Variants in CAMSAP3 observed in about 807,000 individuals in gnomAD.
The protein encoded by CAMSAP3 is calmodulin-regulated spectrin-associated protein 3.
In CAMSAP3, 34 loss-of-function variants were observed where a neutral mutation model predicts 112.5. The observed-to-expected ratio is 0.30, with a 90% CI of 0.23 to 0.40. CAMSAP3 has a LOEUF of 0.40. CAMSAP3 is among the 10% of genes least tolerant of loss of function. The probability of loss-of-function intolerance (pLI) is 1.00; values close to 1 mark genes in which losing one functional copy is unlikely to be tolerated. For synonymous variants in CAMSAP3, 868 were observed against 799.8 expected, an observed-to-expected ratio of 1.09 and a Z score of -1.44; for missense variants, 1,602 against 1,770.3, an observed-to-expected ratio of 0.90 and a Z score of 1.71.
At chr19:7,616,683 T>C (rs902570894) in intron 14 of CAMSAP3, 61 bp downstream of exon 14, 2 of 1,223,988 alleles carry the variant, frequency 1.6e-6, no homozygotes, top group African/African-American at 1.5e-5. Flanking sequence ...GCCTGGGAGG[T>C]GTGTGGGCAT....
chr19:7,608,140 G>A lies in CAMSAP3; in HGVS notation c.636G>A (p.Lys212=). ...CCCATCTGCAGATCCGATACCGCAA[G>A]GACCGTGTGGTGGCGCGACGTGCCC... The part of the protein sequence containing the change: ...APAQPSIRYR[K]DRVVARRAPC... Residue 212 remains lysine, a synonymous_variant, in exon 5 of 17, where the codon AAG becomes AAA. Coordinates refer to ENST00000160298, the MANE Select transcript of CAMSAP3 (RefSeq NM_020902.2). The A allele has an allele frequency of 1.2e-6, 2 of 1,611,680 alleles. No individual in the cohort carries two copies. The highest frequency in any genetic ancestry group is 1.1e-5 in the South Asian group (1 of 91,030).
In CAMSAP3 at chr19:7,616,674, C is replaced by A. The variant is rs1265285527; in HGVS notation, c.3212+52C>A. On this transcript the variant is annotated intron_variant, in intron 14 of 16. Transcript: ENST00000160298. Reference sequence around the variant, plus strand: ...TCGTATGCCGGGTGGCTTCCCAGAGCCTGGGAGGTGTGTGGGCATCTGGGT... The same window carrying A: ...TCGTATGCCGGGTGGCTTCCCAGAGACTGGGAGGTGTGTGGGCATCTGGGT... 1.3e-5 allele frequency: 17 copies of A among 1,333,314 alleles called. No homozygotes were observed. In the East Asian group the frequency reaches 3.7e-4, roughly 29 times the overall value. The allele number at this position is 1,333,314 out of a possible 1,614,324, so 82.6% of individuals were successfully genotyped here.
Position 7,615,632 on chromosome 19 carries a change from G to T in CAMSAP3, c.3025G>T (p.Gly1009Cys). Reference protein sequence around the residue: ...RPRAAGSGGPGRGGRRATRPR... With the variant: ...RPRAAGSGGPCRGGRRATRPR... ...CCGGGCTGCGGGGTCCGGGGGTCCAGGTCGGGGCGGGCGGAGGGCCACCCG... is the reference window on the plus strand; with the variant it reads ...CCGGGCTGCGGGGTCCGGGGGTCCATGTCGGGGCGGGCGGAGGGCCACCCG... Residue 1009 changes from glycine to cysteine, a missense_variant, in exon 13 of 17, where the codon GGT (glycine) becomes TGT (cysteine). Gly to Cys is a radical substitution (Grantham distance 159). This residue lies in a region of CAMSAP3 where 1,100 missense variants were observed against 1,135.7 expected (regional missense o/e 0.97). Transcript: ENST00000160298. This position sits in a 1 kb window ranked among gnomAD's most constrained non-coding sequence, Gnocchi z 6.5. The T allele has an allele frequency of 7.0e-7, 1 of 1,436,740 alleles. No individual in the cohort carries two copies. The highest frequency in any genetic ancestry group is 1.5e-5 in the African/African-American group (1 of 67,356). The allele number at this position is 1,436,740 out of a possible 1,614,324, so 89.0% of individuals were successfully genotyped here. A position where few individuals can be genotyped will look rare whatever the true frequency, so the allele number is the denominator to read the frequency against.
At position 7,617,634 on chromosome 19, in the gene CAMSAP3, C is replaced by A; in HGVS notation, c.3417C>A (p.Asn1139Lys). The change falls in exon 16 of 17, where the codon AAC (asparagine) becomes AAA (lysine). Residue 1139 changes from asparagine (N) to lysine (K), a missense_variant. Asn to Lys is a moderately conservative substitution (Grantham distance 94, BLOSUM62 0). Transcript: ENST00000160298. The surrounding 1 kb of genome is among the most constrained non-coding windows in gnomAD (Gnocchi z 7.5). Reference protein sequence around the residue: ...LSHCCLAGKVNEPQKNRILEE... With the variant: ...LSHCCLAGKVKEPQKNRILEE... ...ACTGCTGCCTGGCGGGCAAGGTGAA[C>A]GAACCGCAGAAGAATCGCATTCTGG... The A allele has an allele frequency of 6.2e-7, 1 of 1,614,140 alleles. No homozygotes were observed. The highest frequency in any genetic ancestry group is 1.7e-5 in the Admixed American group (1 of 60,020).
rs934967293 is a variant in CAMSAP3 at position 7,618,220 on chromosome 19, A to G, written c.*163A>G. ...GAGTCCAGTCCTGCTGTGGGGGCTG[A>G]GCTGGGAGGTTCAGGGACTCAGGGC... On this transcript the variant is annotated 3_prime_UTR_variant, in exon 17 of 17. Transcript: ENST00000160298. 2 of 738,816 alleles carry G rather than the reference A, an allele frequency of 2.7e-6. No individual in the cohort carries two copies. Among genetic ancestry groups the G allele is most frequent in the Non-Finnish European group, 4.3e-6 (2 of 463,272 alleles). 45.8% of individuals were successfully genotyped at this position (738,816 alleles called of 1,614,324 possible).
At chr19:7,608,635 T>TTC (rs1169127298) in intron 5 of CAMSAP3, among the ~76,000 whole-genome samples, 1 of 145,858 alleles carries the variant, frequency 6.9e-6, no homozygotes, top group East Asian at 2.0e-4. Context: ...CAAAAGTACT[T>TTC]TTTTTTTTTT....
intron 1 of CAMSAP3, among the ~76,000 whole-genome samples, chr19:7,599,650 A>T (rs991563710): frequency 8.5e-4 from 1 of 1,180 alleles, no homozygotes; most frequent in Non-Finnish European, 1.6e-3. Context: ...CCACCCACCC[A>T]CCCACCCCAC....
chr19:7,611,824 G>T lies in CAMSAP3; in HGVS notation c.1331G>T (p.Arg444Met), dbSNP rs538230808. The change falls in exon 11 of 17, where the codon AGG becomes ATG. Residue 444 changes from arginine to methionine, a missense_variant. Arg to Met is a moderately conservative substitution (Grantham distance 91). Around this residue, in one of 6 missense-constraint regions of CAMSAP3, gnomAD observed 1,100 missense variants for 1,135.7 expected, o/e 0.97. Coordinates refer to ENST00000160298, the MANE Select transcript of CAMSAP3 (RefSeq NM_020902.2). The surrounding 1 kb of genome is among the most constrained non-coding windows in gnomAD (Gnocchi z 6.9). ...GGCCCCCCGCGTCCCGCGCCGGCCA[G>T]GACCCCCACCCAGCCACCCCCGGAG... is the stretch of plus-strand genomic sequence containing the variant. ...SLGPPRPAPA[R>M]TPTQPPPEPG... 9.4e-6 allele frequency: 15 copies of T among 1,588,746 alleles called. No individual in the cohort carries two copies. The highest frequency in any genetic ancestry group is 1.7e-4 in the Middle Eastern group (1 of 5,958).
chr19:7,613,537 G>C (rs930985485), intron 11 of CAMSAP3, among the ~76,000 whole-genome samples: 1 of 151,486 alleles, frequency 6.6e-6, no homozygotes, highest in South Asian at 2.1e-4. Context: ...GGTATGTTTG[G>C]GGGTGAGGGG....
In CAMSAP3 at chr19:7,611,497, C is replaced by T. The variant is rs1262060549; in HGVS notation, c.1124-20C>T. 2 of 1,594,788 alleles carry T rather than the reference C, an allele frequency of 1.3e-6. No individual in the cohort carries two copies. The highest frequency in any genetic ancestry group is 2.2e-5 in the East Asian group (1 of 44,508). On this transcript the variant is annotated intron_variant, in intron 9 of 16. Transcript: ENST00000160298. The surrounding 1 kb of genome is among the most constrained non-coding windows in gnomAD (Gnocchi z 6.9). ...AGGGTTCCCAGGGTCCCCATAGTGA[C>T]CACTCATCGCCTCCCCCAGGCTCCC...
rs550077317 is a variant in CAMSAP3 at position 7,613,124 on chromosome 19, G to C, written c.2631G>C (p.Ser877=). The change falls in exon 11 of 17, where the codon TCG becomes TCC. Residue 877 remains serine (S), a synonymous_variant. Transcript: ENST00000160298. The stretch of plus-strand genomic sequence containing the variant: ...ATTCCTTGGAGGAGGAGGCGTCTTC[G>C]GAGGGGGAGCCCCGGGTGGGGCTGG... ...AEDSLEEEAS[S]EGEPRVGLGF... is the part of the protein sequence containing the mutation. 1 of 1,544,248 alleles carries C rather than the reference G, an allele frequency of 6.5e-7. No homozygotes were observed. The highest frequency in any genetic ancestry group is 1.4e-5 in the African/African-American group (1 of 72,618).
chr19:7,602,166 C>T (rs999573616), intron 1 of CAMSAP3, among the ~76,000 whole-genome samples: 2 of 152,080 alleles, frequency 1.3e-5, no homozygotes, highest in Admixed American at 6.6e-5. Flanking sequence ...TGTCTGGGGA[C>T]ATTTGTGGTT....
chr19:7,595,944 C>T lies in CAMSAP3; in HGVS notation c.-59C>T. The T allele has an allele frequency of 1.1e-6, 1 of 898,328 alleles. No homozygotes were observed. Among genetic ancestry groups the T allele is most frequent in the Non-Finnish European group, 1.3e-6 (1 of 746,894 alleles). The allele number at this position is 898,328 out of a possible 1,614,324, so 55.6% of individuals were successfully genotyped here. A position where few individuals can be genotyped will look rare whatever the true frequency, so the allele number is the denominator to read the frequency against. On this transcript the variant is annotated 5_prime_UTR_variant, in exon 1 of 17. Coordinates refer to ENST00000160298, the MANE Select transcript of CAMSAP3 (RefSeq NM_020902.2). ...GGGCCCGGCTGGGGCGCGAGCGCGG[C>T]GCAGCCCAGCCCAGCCCAGTCCGAG...
rs1361998658 is a variant in CAMSAP3, at chr19:7,611,330, C to T, written c.1123+162C>T. 6.6e-6 allele frequency among the ~76,000 whole-genome samples: 1 copy of T among 152,198 alleles called. No homozygotes were observed. The highest frequency in any genetic ancestry group is 1.5e-5 in the Non-Finnish European group (1 of 68,022). On this transcript the variant is annotated intron_variant, in intron 9 of 16. Transcript: ENST00000160298. The surrounding 1 kb of genome is among the most constrained non-coding windows in gnomAD (Gnocchi z 6.9). ...CCCAGAATGGCCTCCCCAGTGGCCC[C>T]ACAGTACCCCGTAGTGACAGTAAAT...
rs1599334996 is a variant in CAMSAP3 at position 7,595,920 on chromosome 19, G to A, written c.-83G>A. 3 of 663,652 alleles carry A rather than the reference G, an allele frequency of 4.5e-6. No homozygotes were observed. Among genetic ancestry groups the A allele is most frequent in the East Asian group, 1.3e-4 (1 of 7,586 alleles). 41.1% of individuals were successfully genotyped at this position (663,652 alleles called of 1,614,324 possible). A position where few individuals can be genotyped will look rare whatever the true frequency, so the allele number is the denominator to read the frequency against. Reference sequence around the variant, plus strand: ...GGCGGCAGCGGCGGTAGCAGCAGCGGGCCCGGCTGGGGCGCGAGCGCGGCG... The same window carrying A: ...GGCGGCAGCGGCGGTAGCAGCAGCGAGCCCGGCTGGGGCGCGAGCGCGGCG... On this transcript the variant is annotated 5_prime_UTR_variant, in exon 1 of 17. Transcript: ENST00000160298.
intron 1 of CAMSAP3, among the ~76,000 whole-genome samples, chr19:7,598,060 C>A (rs2024474452): frequency 6.6e-6 from 1 of 152,054 alleles, no homozygotes; most frequent in African/African-American, 2.4e-5. Flanking sequence ...CTATCAGGTG[C>A]TGGGCTGGGC....
At position 7,610,871 on chromosome 19, in the gene CAMSAP3, C is replaced by T; in HGVS notation, c.995-6C>T. 2 of 1,602,232 alleles carry T rather than the reference C, an allele frequency of 1.2e-6. No homozygotes were observed. On this transcript the variant is annotated splice_region_variant and splice_polypyrimidine_tract_variant and intron_variant, in intron 7 of 16. Coordinates refer to ENST00000160298, the MANE Select transcript of CAMSAP3 (RefSeq NM_020902.2). This position sits in a 1 kb window ranked among gnomAD's most constrained non-coding sequence, Gnocchi z 4.9. ...CCCCCGCCTGACCCTCTTCTCTGTACTGCAGCTGCCTCCCCCCGGGGCACT... is the reference window on the plus strand; with the variant it reads ...CCCCCGCCTGACCCTCTTCTCTGTATTGCAGCTGCCTCCCCCCGGGGCACT...
At position 7,606,199 on chromosome 19, in the gene CAMSAP3, C is replaced by T. The variant is rs2030212593; in HGVS notation, c.403-72C>T. On this transcript the variant is annotated intron_variant, in intron 2 of 16. Transcript: ENST00000160298. ...CTCCCATCTGCAGGTTCTTCCTTTT[C>T]CCAGGCCCTTGGGGGCCGAGGTGCG... 5 of 1,188,866 alleles carry T rather than the reference C, an allele frequency of 4.2e-6. No homozygotes were observed. In the East Asian group the frequency reaches 2.9e-4, roughly 68 times the overall value. 73.6% of individuals were successfully genotyped at this position (1,188,866 alleles called of 1,614,324 possible). A position where few individuals can be genotyped will look rare whatever the true frequency, so the allele number is the denominator to read the frequency against.
At chr19:7,603,147 C>T (rs919753100) in intron 1 of CAMSAP3, among the ~76,000 whole-genome samples, 1 of 151,992 alleles carries the variant, frequency 6.6e-6, no homozygotes, top group African/African-American at 2.4e-5. Flanking sequence ...GTGGAGAAGT[C>T]CCGTTCAAAT....
Sources: gnomAD v4.1 joint callset for allele counts (sites outside exome capture counted in the v4.1 genomes callset) on GRCh38, gnomAD v4.1.1 for gene constraint, gnomAD v4.1.1 regional missense constraint, Gnocchi (gnomAD v3.1) non-coding constraint, MANE v1.5 for transcripts, NCBI Gene and HGNC (gene_info 2026-07-23, HGNC 2026-07-21) for gene names.